CCDC93: variants seen among roughly 807,000 people sequenced by gnomAD.
CCDC93 encodes the protein coiled-coil domain-containing protein 93.
Under a neutral mutation model 108.2 loss-of-function variants are expected in CCDC93, and 61 were observed. That is an observed-to-expected ratio of 0.56 (90% CI 0.46 to 0.70). The LOEUF (loss-of-function observed/expected upper bound fraction) is 0.70. Ranked by LOEUF, CCDC93 falls within the 30% of genes least tolerant of loss-of-function variation. CCDC93 has a pLI of 0.00. For missense variants in CCDC93, 685 were observed against 764.2 expected (o/e 0.90, Z 1.22); for synonymous variants, 276 against 260.4 (o/e 1.06, Z -0.58).
At chr2:117,956,777 A>G (rs982245222) in intron 12 of CCDC93, among the ~76,000 whole-genome samples, 35 of 152,208 alleles carry the variant, frequency 2.3e-4, no homozygotes, top group African/African-American at 7.5e-4. Flanking sequence ...ACAAATTCTA[A>G]TAGAACAAAT....
intron 7 of CCDC93, 141 bp from the exon 8 acceptor site, chr2:117,978,171 C>T (rs1314306347): frequency 2.8e-6 from 2 of 724,432 alleles, no homozygotes; most frequent in Middle Eastern, 5.7e-4. Flanking sequence ...GTTACAAGTG[C>T]CTAAATTACA....
At chr2:117,947,916 G>T (rs997809889) in intron 15 of CCDC93, 189 bp downstream of exon 15, 2 of 547,010 alleles carry the variant, frequency 3.7e-6, no homozygotes, top group Non-Finnish European at 6.6e-6. Context: ...GGATGGTCTC[G>T]ATCTCCTGAC....
At chr2:117,995,298 G>T in intron 6 of CCDC93, 148 bp downstream of exon 6, 1 of 695,136 alleles carries the variant, frequency 1.4e-6, no homozygotes, top group Non-Finnish European at 2.6e-6. Context: ...AGTAAAGCAG[G>T]CGGGGCTTCC....
chr2:117,935,811 G>A (rs1296715739), intron 21 of CCDC93: 2 of 378,966 alleles, frequency 5.3e-6, no homozygotes, highest in African/African-American at 4.1e-5. Flanking sequence ...AATCTTTTTT[G>A]TCATACTTTC....
chr2:117,960,860 T>C (rs1679370020), intron 11 of CCDC93, among the ~76,000 whole-genome samples: 1 of 152,214 alleles, frequency 6.6e-6, no homozygotes, highest in Non-Finnish European at 1.5e-5. Context: ...ACTGATCTGA[T>C]GTTAATATTA....
intron 13 of CCDC93, among the ~76,000 whole-genome samples, chr2:117,951,903 C>T (rs1237986800): frequency 6.6e-6 from 1 of 152,142 alleles, no homozygotes. Context: ...GCCCTTCCCC[C>T]ACTCTGCCTA....
intron 11 of CCDC93, among the ~76,000 whole-genome samples, chr2:117,965,082 G>A (rs912684873): frequency 1.1e-4 from 16 of 152,316 alleles, no homozygotes; most frequent in Admixed American, 1.0e-3. Context: ...ATTATGTTAT[G>A]TGAGGAAATA....
At chr2:118,007,906 T>G (rs934264637) in intron 2 of CCDC93, among the ~76,000 whole-genome samples, 1 of 152,236 alleles carries the variant, frequency 6.6e-6, no homozygotes, top group African/African-American at 2.4e-5. Flanking sequence ...CAGCCTGCCC[T>G]GTGTGATTTG....
chr2:118,009,155 G>T (rs1676958360), intron 1 of CCDC93, among the ~76,000 whole-genome samples: 1 of 152,128 alleles, frequency 6.6e-6, no homozygotes. Flanking sequence ...CGGATCACTT[G>T]AGGTCAGGAG....
At chr2:118,010,419 C>G (rs1676993245) in intron 1 of CCDC93, among the ~76,000 whole-genome samples, 1 of 152,190 alleles carries the variant, frequency 6.6e-6, no homozygotes, top group African/African-American at 2.4e-5. Context: ...AAAACCATCT[C>G]TCTATATAAA....
rs759216333 is a variant in CCDC93, at chr2:117,931,094, G to A, written c.1785C>T (p.Tyr595=). 1 of 1,613,978 alleles carries A rather than the reference G, an allele frequency of 6.2e-7. No homozygotes were observed. Among genetic ancestry groups the A allele is most frequent in the Non-Finnish European group, 8.5e-7 (1 of 1,179,888 alleles). ...GCCTCTGCTTTTCTAACAGCTCCAA[G>A]TACTGGTCGTTCAACTGGTCTCTTC... is the stretch of plus-strand genomic sequence containing the variant. ...KMRRDQLNDQ[Y]LELLEKQRLY... Residue 595 remains tyrosine, a synonymous_variant, in exon 23 of 24, where the codon TAC becomes TAT. Transcript: ENST00000376300.
intron 11 of CCDC93, among the ~76,000 whole-genome samples, chr2:117,966,199 A>G (rs1679564471): frequency 6.6e-6 from 1 of 152,210 alleles, no homozygotes; most frequent in Non-Finnish European, 1.5e-5. Context: ...TTTCTAGTTC[A>G]GAGGGGCTGC....
chr2:117,943,573 C>T (rs1678773553), intron 18 of CCDC93, among the ~76,000 whole-genome samples: 1 of 152,192 alleles, frequency 6.6e-6, no homozygotes, highest in Non-Finnish European at 1.5e-5. Flanking sequence ...AAGTGTGACA[C>T]AAGGAATTTT....
At chr2:117,923,655 GGCCT>G (rs756961154) in intron 23 of CCDC93, among the ~76,000 whole-genome samples, 285 of 132,400 alleles carry the variant, frequency 2.2e-3, no homozygotes, top group Non-Finnish European at 3.8e-3. Context: ...AGCACAAGGA[GGCCT>G]GCCTGCCTGC....
In CCDC93 at chr2:117,975,207, T is replaced by C; in HGVS notation, c.731A>G (p.Glu244Gly). 6.2e-7 allele frequency: 1 copy of C among 1,613,864 alleles called. No individual in the cohort carries two copies. Among genetic ancestry groups the C allele is most frequent in the African/African-American group, 1.3e-5 (1 of 75,046 alleles). Reference sequence around the variant, plus strand: ...ACACACCTCTTCAGCTGCTCGAAGCTCATCTTCCTCGTGGGCATCAGCTTT... The same window carrying C: ...ACACACCTCTTCAGCTGCTCGAAGCCCATCTTCCTCGTGGGCATCAGCTTT... Reference protein sequence around the residue: ...TEKADAHEEDELRAAEEQRIQ... With the variant: ...TEKADAHEEDGLRAAEEQRIQ... The change falls in exon 9 of 24, where the codon GAG (glutamate) becomes GGG (glycine). Residue 244 changes from glutamate to glycine, a missense_variant. Glu to Gly is a moderately conservative substitution (Grantham distance 98). Transcript: ENST00000376300.
chr2:117,945,477 TG>T, intron 17 of CCDC93, 51 bp downstream of exon 17: 1 of 1,495,594 alleles, frequency 6.7e-7, no homozygotes, highest in Non-Finnish European at 9.3e-7. Context: ...AGTGGAAAGC[TG>T]GCCGCCTGCC....
chr2:117,955,885 A>G lies in CCDC93; in HGVS notation c.1005+2480T>C, dbSNP rs79692409. Among the ~76,000 whole-genome samples, 532 of 152,362 alleles carry G rather than the reference A, an allele frequency of 3.5e-3. 3 individuals carry two copies. The highest frequency in any genetic ancestry group is 0.012 in the African/African-American group (504 of 41,578). Reference sequence around the variant, plus strand: ...TACATTTTTGCAAAGGCCTAAAAACAGGTTTGCCAGGAAACACAGCAGACA... The same window carrying G: ...TACATTTTTGCAAAGGCCTAAAAACGGGTTTGCCAGGAAACACAGCAGACA... On this transcript the variant is annotated intron_variant, in intron 12 of 23. Coordinates refer to ENST00000376300, the MANE Select transcript of CCDC93 (RefSeq NM_019044.5).
chr2:117,926,553 C>A (rs1678110467), intron 23 of CCDC93, among the ~76,000 whole-genome samples: 1 of 152,168 alleles, frequency 6.6e-6, no homozygotes, highest in Non-Finnish European at 1.5e-5. Flanking sequence ...CATACACCCT[C>A]CCAAGACTAA....
At chr2:117,965,612 T>C (rs539550059) in intron 11 of CCDC93, among the ~76,000 whole-genome samples, 4 of 152,328 alleles carry the variant, frequency 2.6e-5, no homozygotes, top group Non-Finnish European at 4.4e-5. Context: ...TCACTTCAAA[T>C]GATAACACAA....
Sources: gnomAD v4.1 joint callset for allele counts (sites outside exome capture counted in the v4.1 genomes callset) on GRCh38, gnomAD v4.1.1 for gene constraint, MANE v1.5 for transcripts, NCBI Gene and HGNC (gene_info 2026-07-23, HGNC 2026-07-21) for gene names.